LMF1: variants seen among roughly 807,000 people sequenced by gnomAD.
LMF1 encodes the protein lipase maturation factor 1.
Under a neutral mutation model 60.6 loss-of-function variants are expected in LMF1, and 68 were observed. The ratio of observed to expected loss-of-function variants is 1.12; its 90% confidence interval spans 0.92 to 1.37. The LOEUF is 1.37. Among genes scored for constraint, LMF1 ranks in the 40% most tolerant of loss-of-function variants. The pLI, the probability that LMF1 is intolerant of heterozygous loss-of-function variation, is 0.00. For synonymous variants in LMF1, 418 were observed against 324.7 expected, an observed-to-expected ratio of 1.29 and a Z score of -3.09; for missense variants, 948 against 767.2, an observed-to-expected ratio of 1.24 and a Z score of -2.78.
Position 869,994 on chromosome 16 carries a change from C to G in LMF1, c.1305G>C (p.Met435Ile). 1 of 1,613,268 alleles carries G rather than the reference C, an allele frequency of 6.2e-7. No homozygotes were observed. Among genetic ancestry groups the G allele is most frequent in the Non-Finnish European group, 8.5e-7 (1 of 1,179,856 alleles). ...ASSNASAPDA[M>I]WEDYEFKCKP... ...TGCACTTGAACTCGTAGTCCTCCCA[C>G]ATGGCATCGGGGGCGCTGGCGTTGG... Residue 435 changes from methionine to isoleucine, a missense_variant, in exon 9 of 11, where the codon ATG (methionine) becomes ATC (isoleucine). Transcript: ENST00000262301.
rs1229346110 is a variant in LMF1, at chr16:854,663, C to T, written c.1573G>A (p.Gly525Arg). 5.6e-6 allele frequency: 9 copies of T among 1,604,536 alleles called. No individual in the cohort carries two copies. The highest frequency in any genetic ancestry group is 7.6e-6 in the Non-Finnish European group (9 of 1,178,168). ...TTGCCCTCGGCGGCGTGCCTGCCCC[C>T]AGGACGGCTGAACTTGTACCTGTAG... ...EHYRYKFSRP[G>R]GRHAAEGKWW... The change falls in exon 11 of 11, where the codon GGG becomes AGG. Residue 525 changes from glycine to arginine, a missense_variant. By Grantham distance (125) the Gly-to-Arg change is moderately radical (BLOSUM62 -2). Coordinates refer to ENST00000262301, the MANE Select transcript of LMF1 (RefSeq NM_022773.4).
At chr16:868,786 G>T (rs1026518662) in intron 10 of LMF1, among the ~76,000 whole-genome samples, 158 bp downstream of exon 10, 4 of 140,936 alleles carry the variant, frequency 2.8e-5, no homozygotes, top group Admixed American at 7.0e-5. Context: ...CGGGGGGGGG[G>T]GGCCCTTTTT....
At position 970,969 on chromosome 16, in the gene LMF1, G is replaced by A; in HGVS notation, c.12C>T (p.Asp4=). ...CCGCGGGCGCCGCCATTGTTGGGCT[G>A]TCAGGGCGCATGTGCGGGGAGGGCG... is the stretch of plus-strand genomic sequence containing the variant. MRP[D]SPTMAAPAES... is the part of the protein sequence containing the mutation. Residue 4 remains aspartate, a synonymous_variant, in exon 1 of 11, where the codon GAC becomes GAT. Transcript: ENST00000262301. 2 of 1,519,010 alleles carry A rather than the reference G, an allele frequency of 1.3e-6. No homozygotes were observed. The highest frequency in any genetic ancestry group is 1.8e-6 in the Non-Finnish European group (2 of 1,128,414). 94.1% of individuals were successfully genotyped at this position (1,519,010 alleles called of 1,614,324 possible).
In LMF1 at chr16:897,694, T is replaced by C. The variant is rs1231354011; in HGVS notation, c.664-4622A>G. On this transcript the variant is annotated intron_variant, in intron 4 of 10. Coordinates refer to ENST00000262301, the MANE Select transcript of LMF1 (RefSeq NM_022773.4). This position sits in a 1 kb window ranked among gnomAD's most constrained non-coding sequence, Gnocchi z 4.3. ...GGTGGGTGGAAACCGTGTCTCAGGG[T>C]GAAGGGACCGCTGGTGGGCTCCGTG... Among the ~76,000 whole-genome samples, 1 of 151,936 alleles carries C rather than the reference T, an allele frequency of 6.6e-6. No individual in the cohort carries two copies. The highest frequency in any genetic ancestry group is 1.5e-5 in the Non-Finnish European group (1 of 67,968).
At position 869,426 on chromosome 16, in the gene LMF1, G is replaced by A. The variant is rs1034167696; in HGVS notation, c.1417-370C>T. 5.4e-6 allele frequency: 3 copies of A among 557,578 alleles called. No homozygotes were observed. In the African/African-American group the frequency reaches 5.6e-5, roughly 10 times the overall value. 34.5% of individuals were successfully genotyped at this position (557,578 alleles called of 1,614,324 possible). On this transcript the variant is annotated intron_variant, in intron 9 of 10. Transcript: ENST00000262301. The stretch of plus-strand genomic sequence containing the variant: ...GGTGCCTCTGCTACCCCCAGCCCTG[G>A]GGATTCCTTCTTTCCTGTTCGCTGA...
At chr16:937,972 C>T (rs5029140) in intron 2 of LMF1, among the ~76,000 whole-genome samples, 71,357 of 150,272 alleles carry the variant, frequency 0.47, 18,711 homozygotes, top group African/African-American at 0.7. Context: ...GCTGATCCCA[C>T]CATCAAGACT....
intron 2 of LMF1, among the ~76,000 whole-genome samples, chr16:937,089 C>A (rs756920436): frequency 6.6e-6 from 1 of 152,198 alleles, no homozygotes; most frequent in Non-Finnish European, 1.5e-5. Context: ...GACGCAGCTG[C>A]CTTCACATCG....
intron 10 of LMF1, among the ~76,000 whole-genome samples, chr16:861,762 C>T (rs991783492): frequency 1.3e-5 from 2 of 152,224 alleles, no homozygotes; most frequent in Non-Finnish European, 2.9e-5. Context: ...TTGTGATCGA[C>T]ACGCCTTTTC....
intron 3 of LMF1, among the ~76,000 whole-genome samples, chr16:929,141 C>T (rs2151779270): frequency 6.6e-6 from 1 of 152,328 alleles, no homozygotes; most frequent in East Asian, 1.9e-4. Context: ...GCCTGAAAAG[C>T]CCAGCCATCC....
Position 854,570 on chromosome 16 carries a change from A to G in LMF1, c.1666T>C (p.Phe556Leu). The change falls in exon 11 of 11, where the codon TTC (phenylalanine) becomes CTC (leucine). Residue 556 changes from phenylalanine to leucine, a missense_variant. Physicochemically the swap from Phe to Leu is conservative, Grantham distance 22. Transcript: ENST00000262301. ...PLSLEELRPY[F>L]RDRGWPLPGP... Reference sequence around the variant, plus strand: ...GGCAGAGGCCACCCACGGTCCCTGAAGTAGGGCCTCAGCTCCTCCAGGCTG... The same window carrying G: ...GGCAGAGGCCACCCACGGTCCCTGAGGTAGGGCCTCAGCTCCTCCAGGCTG... 1 of 1,608,610 alleles carries G rather than the reference A, an allele frequency of 6.2e-7. No individual in the cohort carries two copies. The highest frequency in any genetic ancestry group is 1.1e-5 in the South Asian group (1 of 90,454).
intron 6 of LMF1, chr16:873,079 C>T (rs1360211051): frequency 6.6e-6 from 1 of 152,270 alleles, no homozygotes; most frequent in Admixed American, 6.5e-5. Context: ...CTTCGGGGCT[C>T]GGGGCCCTGC....
intron 1 of LMF1, chr16:976,681 A>G (rs2073155116): frequency 2.2e-6 from 1 of 453,984 alleles, no homozygotes; most frequent in East Asian, 6.9e-5. Context: ...GGATAGGCCC[A>G]GCCAGAAGCT....
At chr16:947,639 A>T in intron 2 of LMF1, 2 of 455,566 alleles carry the variant, frequency 4.4e-6, no homozygotes, top group Non-Finnish European at 8.8e-6. Context: ...TCTGGAGAGG[A>T]TCTTTCCTTC....
chr16:909,128 C>T (rs1567221414), intron 4 of LMF1, among the ~76,000 whole-genome samples: 1 of 152,176 alleles, frequency 6.6e-6, no homozygotes, highest in Non-Finnish European at 1.5e-5. Context: ...GAATTAGGTG[C>T]TCGCATACCA....
rs571826654 is a variant in LMF1 at position 923,495 on chromosome 16, C to T, written c.514+10749G>A. On this transcript the variant is annotated intron_variant, in intron 3 of 10. Transcript: ENST00000262301. The stretch of plus-strand genomic sequence containing the variant: ...GGCTTCTCAGGGAAGCCAATAGTCC[C>T]GGCTACTCAGGAGGCTGAGGTGGCA... 4.6e-5 allele frequency among the ~76,000 whole-genome samples: 7 copies of T among 152,256 alleles called. No homozygotes were observed. The East Asian group carries it at 5.8e-4, about 13-fold the overall frequency.
intron 5 of LMF1, among the ~76,000 whole-genome samples, chr16:880,606 G>A (rs1405591056): frequency 6.6e-6 from 1 of 152,252 alleles, no homozygotes; most frequent in Non-Finnish European, 1.5e-5. Context: ...GGAGGTAGAG[G>A]CTGCAGTGAG....
chr16:951,441 C>A (rs1156279707), intron 2 of LMF1, among the ~76,000 whole-genome samples: 2 of 152,204 alleles, frequency 1.3e-5, no homozygotes, highest in Admixed American at 1.3e-4. Context: ...AGGGCTCCAG[C>A]GTCCTGCAAG....
At chr16:980,752 G>C (rs938423407) in intron 1 of LMF1, 2 of 152,130 alleles carry the variant, frequency 1.3e-5, no homozygotes, top group South Asian at 2.1e-4. Context: ...CCTCGGGGGG[G>C]GCAATGTCCC....
In LMF1 at chr16:906,544, C is replaced by T. The variant is rs2070976401; in HGVS notation, c.663+4387G>A. 3.3e-5 allele frequency among the ~76,000 whole-genome samples: 5 copies of T among 152,096 alleles called. No homozygotes were observed. In the South Asian group the frequency reaches 1.0e-3, roughly 31 times the overall value. On this transcript the variant is annotated intron_variant, in intron 4 of 10. Coordinates refer to ENST00000262301, the MANE Select transcript of LMF1 (RefSeq NM_022773.4). ...GGTTCTTCCGTTCTGAGACTCGGGACCGGCTCTCCTTGCTCCTCAGCTTGC... is the reference window on the plus strand; with the variant it reads ...GGTTCTTCCGTTCTGAGACTCGGGATCGGCTCTCCTTGCTCCTCAGCTTGC...
Sources: allele counts gnomAD v4.1 joint callset (sites outside exome capture counted in the v4.1 genomes callset), GRCh38; gene constraint gnomAD v4.1.1; non-coding constraint Gnocchi (gnomAD v3.1); transcripts MANE v1.5; gene names NCBI Gene and HGNC (gene_info 2026-07-23, HGNC 2026-07-21).